Variants in TMCO4 observed in about 807,000 individuals in gnomAD.
TMCO4 encodes the protein transmembrane and coiled-coil domain-containing protein 4.
In TMCO4, 58 loss-of-function variants were observed where a neutral mutation model predicts 64.7. That is an observed-to-expected ratio of 0.90 (90% CI 0.73 to 1.12). TMCO4 has a LOEUF of 1.12. Among genes scored for constraint, TMCO4 ranks in the 50% most tolerant of loss-of-function variants. The pLI, the probability that TMCO4 is intolerant of heterozygous loss-of-function variation, is 0.00. For missense variants in TMCO4, 780 were observed against 825.9 expected (o/e 0.94, Z 0.68); for synonymous variants, 325 against 346.1 (o/e 0.94, Z 0.68).
chr1:19,716,522 T>G (rs12143443), intron 13 of TMCO4, among the ~76,000 whole-genome samples: 116,376 of 151,324 alleles, frequency 0.77, 45,483 homozygotes, highest in African/African-American at 0.88. Context: ...GAGCCACCAC[T>G]CTTGGCCAAT....
intron 15 of TMCO4, among the ~76,000 whole-genome samples, chr1:19,688,172 T>G (rs919252222): frequency 5.3e-5 from 8 of 152,158 alleles, no homozygotes; most frequent in Non-Finnish European, 1.2e-4. Flanking sequence ...GGGGCCTCTG[T>G]GGACACCCTG....
At chr1:19,709,288 G>GT (rs925767135) in intron 13 of TMCO4, among the ~76,000 whole-genome samples, 2 of 57,038 alleles carry the variant, frequency 3.5e-5, no homozygotes, top group South Asian at 5.5e-4. Context: ...CATCCCGGCG[G>GT]GGGGGGGGGA....
At chr1:19,746,085 G>A (rs151215034) in intron 9 of TMCO4, among the ~76,000 whole-genome samples, 2 of 152,204 alleles carry the variant, frequency 1.3e-5, no homozygotes. Context: ...GGAGTGGGAG[G>A]GGGGCTGCTG....
intron 4 of TMCO4, among the ~76,000 whole-genome samples, chr1:19,776,703 C>T (rs1399601762): frequency 6.6e-6 from 1 of 152,126 alleles, no homozygotes; most frequent in Non-Finnish European, 1.5e-5. Context: ...TCCTGGCTGG[C>T]AGAACTCATC....
chr1:19,695,993 G>C (rs2095233888), intron 14 of TMCO4, among the ~76,000 whole-genome samples: 1 of 152,064 alleles, frequency 6.6e-6, no homozygotes, highest in African/African-American at 2.4e-5. Flanking sequence ...CAAGCCCTGA[G>C]AGCAGGCAAT....
At chr1:19,719,924 T>C (rs2095373867) in intron 13 of TMCO4, among the ~76,000 whole-genome samples, 1 of 151,002 alleles carries the variant, frequency 6.6e-6, no homozygotes, top group Admixed American at 6.6e-5. Flanking sequence ...ACCCAGGAGG[T>C]GGAGATGCAG....
chr1:19,711,002 G>A (rs1437293078), intron 13 of TMCO4, among the ~76,000 whole-genome samples: 1 of 152,222 alleles, frequency 6.6e-6, no homozygotes, highest in Non-Finnish European at 1.5e-5. Flanking sequence ...TTGATGGAGA[G>A]TTAGGCAATT....
intron 15 of TMCO4, among the ~76,000 whole-genome samples, chr1:19,692,890 G>T (rs1394854953): frequency 6.6e-6 from 1 of 152,018 alleles, no homozygotes; most frequent in Non-Finnish European, 1.5e-5. Flanking sequence ...AACTGAAGTT[G>T]GTCAGGCACG....
chr1:19,742,881 C>T (rs2095486066), intron 10 of TMCO4, among the ~76,000 whole-genome samples: 1 of 152,088 alleles, frequency 6.6e-6, no homozygotes, highest in Admixed American at 6.6e-5. Flanking sequence ...GAAACCCCGT[C>T]TCTACTAAAA....
At chr1:19,726,146 T>C (rs1006122709) in intron 13 of TMCO4, among the ~76,000 whole-genome samples, 1 of 152,216 alleles carries the variant, frequency 6.6e-6, no homozygotes, top group East Asian at 1.9e-4. Flanking sequence ...CGTGAGTGTG[T>C]GTTTTCCCTT....
chr1:19,790,157 G>A (rs774478771), intron 2 of TMCO4, among the ~76,000 whole-genome samples: 17 of 151,444 alleles, frequency 1.1e-4, no homozygotes, highest in East Asian at 3.9e-4. Flanking sequence ...TCTTTACACC[G>A]TATACAAAAA....
chr1:19,728,599 C>T (rs1002736520), intron 13 of TMCO4, among the ~76,000 whole-genome samples: 2 of 152,348 alleles, frequency 1.3e-5, no homozygotes, highest in Admixed American at 1.3e-4. Flanking sequence ...TTGGGCCCTG[C>T]TCCCTGCCTG....
intron 13 of TMCO4, among the ~76,000 whole-genome samples, chr1:19,703,961 T>C (rs1419157767): frequency 6.6e-6 from 1 of 152,228 alleles, no homozygotes; most frequent in Non-Finnish European, 1.5e-5. Context: ...ACTCTTTTGC[T>C]GAGCGACACA....
At chr1:19,789,113 A>T (rs958817618) in intron 2 of TMCO4, among the ~76,000 whole-genome samples, 1 of 151,190 alleles carries the variant, frequency 6.6e-6, no homozygotes, top group Non-Finnish European at 1.5e-5. Flanking sequence ...AACAACAACC[A>T]TGTTTCAGCC....
chr1:19,702,912 T>C (rs2095282196), intron 13 of TMCO4, among the ~76,000 whole-genome samples: 1 of 152,246 alleles, frequency 6.6e-6, no homozygotes. Flanking sequence ...GGAGAAACAC[T>C]GCTCTGGACA....
chr1:19,729,130 C>G (rs1277597562), intron 13 of TMCO4, among the ~76,000 whole-genome samples: 2 of 151,992 alleles, frequency 1.3e-5, no homozygotes, highest in African/African-American at 4.8e-5. Context: ...GATAGCACAA[C>G]AGGGTGACTA....
At chr1:19,795,060 C>T (rs763489387) in intron 2 of TMCO4, among the ~76,000 whole-genome samples, 6 of 152,010 alleles carry the variant, frequency 3.9e-5, no homozygotes, top group Non-Finnish European at 8.8e-5. Flanking sequence ...TTGGAAAGTT[C>T]TAGAGATTTG....
chr1:19,693,068 G>T (rs1190192155), intron 15 of TMCO4, among the ~76,000 whole-genome samples: 1 of 149,004 alleles, frequency 6.7e-6, no homozygotes, highest in Non-Finnish European at 1.5e-5. Flanking sequence ...AGCTACTCAG[G>T]AGGCTGGGGC....
chr1:19,729,917 T>C (rs573486040), intron 13 of TMCO4, among the ~76,000 whole-genome samples: 6 of 152,244 alleles, frequency 3.9e-5, no homozygotes, highest in Admixed American at 3.3e-4. Flanking sequence ...ATCCCACATA[T>C]CCCATAAATA....
Sources: allele counts gnomAD v4.1 joint callset (sites outside exome capture counted in the v4.1 genomes callset), GRCh38; gene constraint gnomAD v4.1.1; transcripts MANE v1.5; gene names NCBI Gene and HGNC (gene_info 2026-07-23, HGNC 2026-07-21).